The following FUT8 variants were observed in gnomAD, a reference collection of about 807,000 sequenced individuals.
FUT8 encodes fucosyltransferase 8.
In FUT8, 29 loss-of-function variants were observed where a neutral mutation model predicts 71.3. The observed-to-expected ratio is 0.41, with a 90% confidence interval of 0.30 to 0.55. The LOEUF (loss-of-function observed/expected upper bound fraction) is 0.55, where lower values mean the gene tolerates loss of function less well. Among genes scored for constraint, FUT8 ranks in the 20% least tolerant of loss-of-function variants. The pLI is 0.34. For synonymous variants in FUT8, 254 were observed against 239.3 expected (o/e 1.06, Z -0.57); for missense variants, 544 against 702.1 (o/e 0.77, Z 2.55).
intron 7 of FUT8, among the ~76,000 whole-genome samples, chr14:65,685,279 G>C (rs1422456697): frequency 6.6e-6 from 1 of 152,100 alleles, no homozygotes; most frequent in Non-Finnish European, 1.5e-5. Flanking sequence ...TTCCCTGGCA[G>C]CACTGAAATA....
intron 1 of FUT8, among the ~76,000 whole-genome samples, chr14:65,421,735 A>ACCCCCCC (rs377291691): frequency 1.5e-4 from 5 of 34,364 alleles, no homozygotes; most frequent in African/African-American, 4.3e-4. Context: ...AAACCCTTTA[A>ACCCCCCC]CCCACCCCCC....
chr14:65,662,052 A>G (rs1891993687), intron 6 of FUT8, among the ~76,000 whole-genome samples: 1 of 152,214 alleles, frequency 6.6e-6, no homozygotes, highest in Admixed American at 6.5e-5. Flanking sequence ...TACAGCTTTC[A>G]GCTCTGTTGA....
At chr14:65,484,260 G>A (rs2066375694) in intron 2 of FUT8, among the ~76,000 whole-genome samples, 1 of 152,008 alleles carries the variant, frequency 6.6e-6, no homozygotes, top group Non-Finnish European at 1.5e-5. Context: ...TGATTTCACT[G>A]GCTAAAACCT....
At chr14:65,461,783 G>A (rs2065972332) in intron 2 of FUT8, among the ~76,000 whole-genome samples, 1 of 152,184 alleles carries the variant, frequency 6.6e-6, no homozygotes, top group Admixed American at 6.5e-5. Flanking sequence ...ATCAGGGGCG[G>A]CAGCTGAGAA....
At chr14:65,529,854 G>A (rs1883814483) in intron 2 of FUT8, among the ~76,000 whole-genome samples, 1 of 152,132 alleles carries the variant, frequency 6.6e-6, no homozygotes, top group Non-Finnish European at 1.5e-5. Flanking sequence ...TCATTTCTAA[G>A]ATGGACCTCT....
intron 2 of FUT8, among the ~76,000 whole-genome samples, chr14:65,497,106 T>C (rs79499558): frequency 0.012 from 1,832 of 152,310 alleles, 15 homozygotes; most frequent in Middle Eastern, 0.024. Flanking sequence ...CAGTATATAA[T>C]TTAATTTGTA....
At chr14:65,543,353 A>G (rs1420877351) in intron 2 of FUT8, among the ~76,000 whole-genome samples, 1 of 152,202 alleles carries the variant, frequency 6.6e-6, no homozygotes, top group Non-Finnish European at 1.5e-5. Context: ...TATAGGTATT[A>G]AATAAATATA....
chr14:65,585,186 T>A (rs1049403232), intron 3 of FUT8, among the ~76,000 whole-genome samples: 2 of 152,106 alleles, frequency 1.3e-5, no homozygotes, highest in Non-Finnish European at 2.9e-5. Context: ...TTATTTATTT[T>A]AATTTTTAAA....
At chr14:65,595,602 C>CTTTTTTTTTTTTTT (rs34129010) in intron 3 of FUT8, among the ~76,000 whole-genome samples, 1 of 81,724 alleles carries the variant, frequency 1.2e-5, no homozygotes. Context: ...ACACCATTCT[C>CTTTTTTTTTTTTTT]TTTTTTTTTT....
chr14:65,581,848 G>T (rs1436060011), intron 3 of FUT8, among the ~76,000 whole-genome samples: 3 of 152,022 alleles, frequency 2.0e-5, no homozygotes, highest in Non-Finnish European at 4.4e-5. Flanking sequence ...TTAGCAAGAA[G>T]ATATTTATGA....
At chr14:65,687,104 G>C (rs1893329108) in intron 7 of FUT8, among the ~76,000 whole-genome samples, 4 of 151,728 alleles carry the variant, frequency 2.6e-5, no homozygotes, top group Admixed American at 2.6e-4. Flanking sequence ...CCTCTCTTTA[G>C]TCAAAGAGAA....
chr14:65,642,990 CTCTT>C (rs1890911044), intron 6 of FUT8, among the ~76,000 whole-genome samples: 1 of 152,120 alleles, frequency 6.6e-6, no homozygotes, highest in South Asian at 2.1e-4. Context: ...TGGCAGTAGT[CTCTT>C]TGAGTCATTA....
At chr14:65,641,254 A>T (rs1890815170) in intron 6 of FUT8, among the ~76,000 whole-genome samples, 1 of 152,220 alleles carries the variant, frequency 6.6e-6, no homozygotes, top group Non-Finnish European at 1.5e-5. Flanking sequence ...AGAATTGTAT[A>T]TAAATGGAGA....
chr14:65,412,681 A>T (rs1410258168), upstream of FUT8: 1 of 188,474 alleles, frequency 5.3e-6, no homozygotes, highest in Non-Finnish European at 1.1e-5. Flanking sequence ...CGGCCGGCGC[A>T]TGCGCGCCCT....
At chr14:65,667,004 C>T (rs74571584) in intron 6 of FUT8, among the ~76,000 whole-genome samples, 9,661 of 152,038 alleles carry the variant, frequency 0.064, 570 homozygotes, top group African/African-American at 0.15. Context: ...GACTAGCCAT[C>T]GAAGGAACAT....
At chr14:65,595,608 T>C (rs1887928049) in intron 3 of FUT8, among the ~76,000 whole-genome samples, 1 of 134,762 alleles carries the variant, frequency 7.4e-6, no homozygotes, top group African/African-American at 2.9e-5. Context: ...TTCTCTTTTT[T>C]TTTTTTTTTT....
At chr14:65,476,119 A>C (rs931716540) in intron 2 of FUT8, among the ~76,000 whole-genome samples, 1 of 152,166 alleles carries the variant, frequency 6.6e-6, no homozygotes, top group Non-Finnish European at 1.5e-5. Context: ...GAGCACCTAC[A>C]CTATAGGATA....
chr14:65,586,191 C>T (rs1054556451), intron 3 of FUT8, among the ~76,000 whole-genome samples: 3 of 152,110 alleles, frequency 2.0e-5, no homozygotes, highest in African/African-American at 2.4e-5. Flanking sequence ...ATGATAAAAC[C>T]GATATTTCTC....
At chr14:65,482,357 C>T (rs2066344276) in intron 2 of FUT8, among the ~76,000 whole-genome samples, 1 of 151,574 alleles carries the variant, frequency 6.6e-6, no homozygotes, top group Non-Finnish European at 1.5e-5. Flanking sequence ...CATACCAGCT[C>T]AGTTTTAATT....
Sources: gnomAD v4.1 joint callset for allele counts (sites outside exome capture counted in the v4.1 genomes callset) on GRCh38, gnomAD v4.1.1 for gene constraint, MANE v1.5 for transcripts, NCBI Gene and HGNC (gene_info 2026-07-23, HGNC 2026-07-21) for gene names.